Variants in BICC1 observed in about 807,000 individuals in gnomAD.
BICC1 encodes BicC family RNA binding protein 1.
Under a neutral mutation model 111.0 loss-of-function variants are expected in BICC1, and 43 were observed. The ratio of observed to expected loss-of-function variants is 0.39; its 90% CI spans 0.30 to 0.50. BICC1 has a LOEUF of 0.50. Ranked by LOEUF, BICC1 falls within the 20% of genes least tolerant of loss-of-function variation. The probability of loss-of-function intolerance (pLI) is 0.88; values close to 1 mark genes in which losing one functional copy is unlikely to be tolerated. For missense variants in BICC1, 1,091 were observed against 1,203.2 expected (o/e 0.91, Z 1.38); for synonymous variants, 467 against 434.4 (o/e 1.07, Z -0.93).
At chr10:58,696,913 AG>A (rs1230333208) in intron 2 of BICC1, among the ~76,000 whole-genome samples, 2 of 152,292 alleles carry the variant, frequency 1.3e-5, no homozygotes, top group Admixed American at 1.3e-4. Flanking sequence ...AATTCACTCT[AG>A]GGCTTCCCCC....
intron 1 of BICC1, among the ~76,000 whole-genome samples, chr10:58,513,698 G>A (rs1313270316): frequency 6.6e-6 from 1 of 152,214 alleles, no homozygotes; most frequent in East Asian, 1.9e-4. Context: ...GAGTATGCGT[G>A]ACCCTCCCCA....
chr10:58,824,520 C>T (rs1844340314), intron 20 of BICC1, among the ~76,000 whole-genome samples: 1 of 152,124 alleles, frequency 6.6e-6, no homozygotes, highest in Non-Finnish European at 1.5e-5. Context: ...ATTGGTCATC[C>T]TCCAGAACTT....
intron 1 of BICC1, among the ~76,000 whole-genome samples, chr10:58,555,546 A>G (rs1843427926): frequency 6.6e-6 from 1 of 152,088 alleles, no homozygotes; most frequent in Admixed American, 6.6e-5. Context: ...AAGTCAGTTA[A>G]TTTTCAATGA....
rs570785500 is a variant in BICC1, at chr10:58,759,185, C to G, written c.308-25816C>G. Among the ~76,000 whole-genome samples, 184 of 152,042 alleles carry G rather than the reference C, an allele frequency of 1.2e-3. 2 individuals carry two copies. The highest frequency in any genetic ancestry group is 4.0e-3 in the African/African-American group (166 of 41,452). ...ATGTTGGCCAGGCTGGTCTCGAACT[C>G]CTGACCTCAGATGATCTGACCACCT... On this transcript the variant is annotated intron_variant, in intron 3 of 20. Transcript: ENST00000373886.
chr10:58,629,241 A>G (rs2028205), intron 2 of BICC1, among the ~76,000 whole-genome samples: 92,279 of 151,896 alleles, frequency 0.61, 28,319 homozygotes, highest in African/African-American at 0.66. Context: ...CAGAAGAATC[A>G]ATGCAGTTTA....
At chr10:58,572,776 G>A (rs751642853) in intron 1 of BICC1, among the ~76,000 whole-genome samples, 36 of 152,062 alleles carry the variant, frequency 2.4e-4, no homozygotes, top group Non-Finnish European at 4.7e-4. Context: ...TCTGGGAGAT[G>A]GGAAATGTGA....
chr10:58,818,264 G>A (rs1219148020), intron 19 of BICC1, among the ~76,000 whole-genome samples: 1 of 152,004 alleles, frequency 6.6e-6, no homozygotes, highest in Non-Finnish European at 1.5e-5. Flanking sequence ...GATGTCTACT[G>A]AACAATCATG....
At chr10:58,636,459 C>A (rs1837956081) in intron 2 of BICC1, among the ~76,000 whole-genome samples, 1 of 152,160 alleles carries the variant, frequency 6.6e-6, no homozygotes, top group South Asian at 2.1e-4. Flanking sequence ...CCCCAACACA[C>A]AAAAAGATCC....
chr10:58,562,854 G>A (rs535832020), intron 1 of BICC1, among the ~76,000 whole-genome samples: 11 of 152,106 alleles, frequency 7.2e-5, no homozygotes, highest in Admixed American at 3.3e-4. Flanking sequence ...TTTCTTTGGC[G>A]TATTCAGTGT....
At chr10:58,807,262 T>C in intron 17 of BICC1, 104 bp downstream of exon 17, 1 of 1,056,922 alleles carries the variant, frequency 9.5e-7, no homozygotes, top group South Asian at 2.0e-5. Flanking sequence ...GGAAAATGAT[T>C]AGTGGTGACT....
At chr10:58,639,719 ATTTTTTTTTTTTT>A (rs71033694) in intron 2 of BICC1, among the ~76,000 whole-genome samples, 10 of 93,182 alleles carry the variant, frequency 1.1e-4, no homozygotes, top group Admixed American at 2.9e-4. Flanking sequence ...GCCCGGCCAA[ATTTTTTTTTTTTT>A]TTTTTTTTTT....
At chr10:58,656,146 C>T (rs1838639827) in intron 2 of BICC1, among the ~76,000 whole-genome samples, 1 of 152,022 alleles carries the variant, frequency 6.6e-6, no homozygotes, top group South Asian at 2.1e-4. Flanking sequence ...AAGACTAAAC[C>T]AGGAAGAAGT....
At chr10:58,708,268 ACGT>A in intron 3 of BICC1, among the ~76,000 whole-genome samples, 1 of 151,624 alleles carries the variant, frequency 6.6e-6, no homozygotes, top group African/African-American at 2.4e-5. Context: ...CTGGGATTAC[ACGT>A]GTGAGCCACC....
chr10:58,649,791 G>A (rs897930021), intron 2 of BICC1, among the ~76,000 whole-genome samples: 8 of 152,036 alleles, frequency 5.3e-5, no homozygotes, highest in Admixed American at 2.6e-4. Flanking sequence ...GATTACATAG[G>A]TTCTACTGTT....
chr10:58,823,880 G>A, intron 20 of BICC1: 6 of 985,038 alleles, frequency 6.1e-6, no homozygotes, highest in Non-Finnish European at 7.2e-6. Context: ...TCTGAATTTT[G>A]AAGTGCTGTG....
intron 2 of BICC1, among the ~76,000 whole-genome samples, chr10:58,633,002 T>G (rs1164463115): frequency 1.3e-5 from 2 of 152,332 alleles, no homozygotes; most frequent in Middle Eastern, 6.8e-3. Context: ...ATTATTGATA[T>G]GGTTTGGCTG....
chr10:58,548,956 C>G (rs1267085359), intron 1 of BICC1, among the ~76,000 whole-genome samples: 1 of 151,998 alleles, frequency 6.6e-6, no homozygotes, highest in East Asian at 1.9e-4. Context: ...ACTTCCTGGG[C>G]TCAGGTGATT....
At chr10:58,715,308 TAAAA>T (rs1394399308) in intron 3 of BICC1, among the ~76,000 whole-genome samples, 7 of 152,112 alleles carry the variant, frequency 4.6e-5, no homozygotes, top group Admixed American at 6.5e-5. Context: ...CTGCCTGAAA[TAAAA>T]ATAAAATGAG....
intron 3 of BICC1, among the ~76,000 whole-genome samples, chr10:58,715,260 A>G (rs1470518389): frequency 6.6e-6 from 1 of 152,142 alleles, no homozygotes; most frequent in Non-Finnish European, 1.5e-5. Flanking sequence ...TTCCCTTTAT[A>G]TCTTGTTGCC....
Sources: allele counts gnomAD v4.1 joint callset (sites outside exome capture counted in the v4.1 genomes callset), GRCh38; gene constraint gnomAD v4.1.1; transcripts MANE v1.5; gene names NCBI Gene and HGNC (gene_info 2026-07-23, HGNC 2026-07-21).